The following WDPCP variants were observed in gnomAD, a reference collection of about 807,000 sequenced individuals.
The protein encoded by WDPCP is WD repeat-containing and planar cell polarity effector protein fritz homolog.
WDPCP carries 71 observed loss-of-function variants against 93.1 expected under a neutral mutation model. The ratio of observed to expected loss-of-function variants is 0.76; its 90% CI spans 0.63 to 0.93. The LOEUF (loss-of-function observed/expected upper bound fraction) is 0.93, where lower values mean the gene tolerates loss of function less well. Among genes scored for constraint, WDPCP ranks in the 40% least tolerant of loss-of-function variants. The pLI is 0.00. For synonymous variants in WDPCP, 315 were observed against 315.0 expected, an observed-to-expected ratio of 1.00 and a Z score of 0.00; for missense variants, 844 against 887.4, an observed-to-expected ratio of 0.95 and a Z score of 0.62.
intron 1 of WDPCP, among the ~76,000 whole-genome samples, chr2:63,548,440 T>C (rs1705317542): frequency 6.6e-6 from 1 of 152,066 alleles, no homozygotes; most frequent in Admixed American, 6.6e-5. Context: ...AATCTACTCT[T>C]AGTTTCCTGA....
chr2:63,169,440 G>A (rs1315103987), intron 15 of WDPCP, among the ~76,000 whole-genome samples: 2 of 152,030 alleles, frequency 1.3e-5, no homozygotes, highest in Non-Finnish European at 2.9e-5. Context: ...TGAAAAGTTC[G>A]ATACTTTTTT....
intron 2 of WDPCP, chr2:63,684,526 TTATAAC>T (rs1458264806): frequency 1.1e-5 from 8 of 729,444 alleles, no homozygotes; most frequent in African/African-American, 8.7e-5. Flanking sequence ...TTGTGAGAGT[TTATAAC>T]TATAATCACC....
intron 1 of WDPCP, among the ~76,000 whole-genome samples, chr2:63,544,373 TA>T (rs1399176521): frequency 6.6e-6 from 1 of 152,178 alleles, no homozygotes; most frequent in Non-Finnish European, 1.5e-5. Flanking sequence ...GTTTGACTTA[TA>T]AAAGACTTAT....
At chr2:63,177,867 C>T (rs1372671964) in intron 14 of WDPCP, among the ~76,000 whole-genome samples, 1 of 151,992 alleles carries the variant, frequency 6.6e-6, no homozygotes, top group Non-Finnish European at 1.5e-5. Flanking sequence ...TCATGTATAG[C>T]CTTTATTATG....
intron 2 of WDPCP, among the ~76,000 whole-genome samples, chr2:63,662,188 C>T (rs1380790656): frequency 2.0e-5 from 3 of 152,158 alleles, no homozygotes; most frequent in Non-Finnish European, 4.4e-5. Context: ...ACAGCACGTA[C>T]TTTGGTGGTA....
At chr2:63,753,360 C>G (rs559453239) in intron 2 of WDPCP, among the ~76,000 whole-genome samples, 4 of 152,046 alleles carry the variant, frequency 2.6e-5, no homozygotes. Flanking sequence ...ACCCAGGAGG[C>G]GGAGGTTGCA....
At chr2:63,169,201 C>T (rs1673205988) in intron 15 of WDPCP, among the ~76,000 whole-genome samples, 1 of 152,286 alleles carries the variant, frequency 6.6e-6, no homozygotes, top group African/African-American at 2.4e-5. Flanking sequence ...CACTTTGTTA[C>T]TCATCTCATG....
intron 2 of WDPCP, among the ~76,000 whole-genome samples, chr2:63,725,577 G>A (rs1053437891): frequency 6.6e-6 from 1 of 152,176 alleles, no homozygotes; most frequent in African/African-American, 2.4e-5. Context: ...TGGGATTGCT[G>A]AGTCAAATGG....
intron 7 of WDPCP, chr2:63,438,145 C>T (rs1250373259): frequency 3.8e-6 from 2 of 524,850 alleles, no homozygotes; most frequent in Non-Finnish European, 5.4e-6. Context: ...CCAAAGCACA[C>T]AAGTAGGTAA....
At chr2:63,699,617 G>A (rs1157480921) in intron 2 of WDPCP, among the ~76,000 whole-genome samples, 2 of 152,168 alleles carry the variant, frequency 1.3e-5, no homozygotes, top group African/African-American at 2.4e-5. Context: ...TACCCAGACA[G>A]AGGGAGAAGT....
At chr2:63,311,310 T>C (rs1365090951) in intron 13 of WDPCP, among the ~76,000 whole-genome samples, 2 of 152,174 alleles carry the variant, frequency 1.3e-5, no homozygotes, top group Non-Finnish European at 2.9e-5. Flanking sequence ...TTTCAATCTA[T>C]AGGCTATAGA....
intron 12 of WDPCP, among the ~76,000 whole-genome samples, chr2:63,370,785 T>A (rs1396139269): frequency 1.3e-5 from 2 of 152,156 alleles, no homozygotes; most frequent in Non-Finnish European, 2.9e-5. Context: ...ATGTTTGTTG[T>A]CATAAATTGT....
intron 1 of WDPCP, among the ~76,000 whole-genome samples, chr2:63,580,513 T>G (rs1265377912): frequency 1.3e-5 from 2 of 152,262 alleles, no homozygotes; most frequent in East Asian, 3.9e-4. Flanking sequence ...CTATGTAATC[T>G]TCCTCCCAAA....
chr2:63,825,299 T>C (rs1292155271), intron 1 of WDPCP, among the ~76,000 whole-genome samples: 1 of 152,152 alleles, frequency 6.6e-6, no homozygotes, highest in African/African-American at 2.4e-5. Context: ...AAAAGGCTCT[T>C]ATCTTCTGAC....
At chr2:63,210,914 A>G (rs919138225) in intron 14 of WDPCP, among the ~76,000 whole-genome samples, 3 of 151,902 alleles carry the variant, frequency 2.0e-5, no homozygotes, top group African/African-American at 7.2e-5. Context: ...GGGGAGGGAC[A>G]CCCGCCATTG....
chr2:63,543,580 T>A (rs577148411), intron 1 of WDPCP, among the ~76,000 whole-genome samples: 1 of 152,118 alleles, frequency 6.6e-6, no homozygotes, highest in South Asian at 2.1e-4. Flanking sequence ...AATTTTTTTT[T>A]ACTTTATTTC....
At chr2:63,510,243 C>T (rs567155101) in intron 1 of WDPCP, among the ~76,000 whole-genome samples, 1 of 152,154 alleles carries the variant, frequency 6.6e-6, no homozygotes, top group Non-Finnish European at 1.5e-5. Context: ...ACGATCAAGT[C>T]GGCTTCCTCC....
chr2:63,125,751 G>T (rs1669853708), intron 17 of WDPCP, among the ~76,000 whole-genome samples: 1 of 152,022 alleles, frequency 6.6e-6, no homozygotes, highest in Non-Finnish European at 1.5e-5. Context: ...TGAGACTACA[G>T]GCGCACGTCA....
chr2:63,631,765 T>A (rs1489545133), intron 3 of WDPCP, among the ~76,000 whole-genome samples: 2 of 152,184 alleles, frequency 1.3e-5, no homozygotes, highest in African/African-American at 2.4e-5. Flanking sequence ...ATGCTGCAGG[T>A]GCCATTGTAA....
Sources: gnomAD v4.1 joint callset for allele counts (sites outside exome capture counted in the v4.1 genomes callset) on GRCh38, gnomAD v4.1.1 for gene constraint, MANE v1.5 for transcripts, NCBI Gene and HGNC (gene_info 2026-07-23, HGNC 2026-07-21) for gene names.